PDE9A: variants seen among roughly 807,000 people sequenced by gnomAD.
The protein encoded by PDE9A is high affinity cGMP-specific 3',5'-cyclic phosphodiesterase 9A.
A neutral mutation model predicts 87.4 loss-of-function variants in PDE9A; 60 were observed. That is an observed-to-expected ratio of 0.69 (90% CI 0.56 to 0.85). PDE9A has a LOEUF of 0.85. Ranked by LOEUF, PDE9A falls within the 40% of genes least tolerant of loss-of-function variation. PDE9A has a pLI of 0.00. For missense variants in PDE9A, 665 were observed against 779.0 expected, an observed-to-expected ratio of 0.85 and a Z score of 1.74; for synonymous variants, 272 against 279.4, an observed-to-expected ratio of 0.97 and a Z score of 0.27.
At chr21:42,725,170 C>T (rs2050906985) in intron 4 of PDE9A, among the ~76,000 whole-genome samples, 1 of 152,204 alleles carries the variant, frequency 6.6e-6, no homozygotes, top group South Asian at 2.1e-4. Context: ...AGCCACGCTG[C>T]TTCCCTTCCA....
At chr21:42,686,847 T>G (rs192084943) in intron 2 of PDE9A, among the ~76,000 whole-genome samples, 1 of 151,862 alleles carries the variant, frequency 6.6e-6, no homozygotes, top group African/African-American at 2.4e-5. Context: ...AGAGTGTGGG[T>G]TTTTTCCTCT....
At chr21:42,736,847 C>A (rs368434362) in intron 7 of PDE9A, among the ~76,000 whole-genome samples, 8 of 152,340 alleles carry the variant, frequency 5.3e-5, no homozygotes, top group African/African-American at 1.9e-4. Flanking sequence ...TGGGCTCATC[C>A]TCCCCGGGCA....
Position 42,722,282 on chromosome 21 carries a change from G to T in PDE9A, c.263-9488G>T, listed in dbSNP as rs1211862264. 1.3e-5 allele frequency among the ~76,000 whole-genome samples: 2 copies of T among 152,142 alleles called. No homozygotes were observed. The highest frequency in any genetic ancestry group is 2.9e-5 in the Non-Finnish European group (2 of 68,022). ...TGAGCCACCATGCCCGTCCAGCAGA[G>T]GTATTTTTTCTAATACTTGAGAAGT... is the stretch of plus-strand genomic sequence containing the variant. On this transcript the variant is annotated intron_variant, in intron 4 of 19. Coordinates refer to ENST00000291539, the MANE Select transcript of PDE9A (RefSeq NM_002606.3). This position sits in a 1 kb window ranked among gnomAD's most constrained non-coding sequence, Gnocchi z 4.1.
chr21:42,733,993 T>C (rs138514158), intron 7 of PDE9A: 1 of 152,614 alleles, frequency 6.6e-6, no homozygotes, highest in Non-Finnish European at 1.5e-5. Flanking sequence ...CAAGATCTGG[T>C]TGTTTAAAAG....
intron 4 of PDE9A, chr21:42,701,199 AT>A (rs2048352608): frequency 6.6e-6 from 1 of 151,996 alleles, no homozygotes; most frequent in Non-Finnish European, 1.5e-5. Flanking sequence ...ATACATCACT[AT>A]TTCATGTATT....
At chr21:42,679,671 G>C (rs1168203404) in intron 1 of PDE9A, among the ~76,000 whole-genome samples, 1 of 152,094 alleles carries the variant, frequency 6.6e-6, no homozygotes. Flanking sequence ...GCCTTTCCAC[G>C]GAGGGCCCAA....
Position 42,760,345 on chromosome 21 carries a change from C to G in PDE9A, c.915C>G (p.Asn305Lys). 6.2e-7 allele frequency: 1 copy of G among 1,607,854 alleles called. No homozygotes were observed. Among genetic ancestry groups the G allele is most frequent in the Non-Finnish European group, 8.5e-7 (1 of 1,177,412 alleles). ...LRRWLFCVHD[N>K]YRNNPFHNFR... Reference sequence around the variant, plus strand: ...TCCCGCAGTTCTGCGTCCACGACAACTACAGAAACAACCCCTTCCACAACT... The same window carrying G: ...TCCCGCAGTTCTGCGTCCACGACAAGTACAGAAACAACCCCTTCCACAACT... The change falls in exon 12 of 20, where the codon AAC becomes AAG. Residue 305 changes from asparagine (N) to lysine (K), a missense_variant. Transcript: ENST00000291539. The surrounding 1 kb of genome is among the most constrained non-coding windows in gnomAD (Gnocchi z 5.2).
rs528569428 is a variant in PDE9A at position 42,657,995 on chromosome 21, G to A, written c.69+4112G>A. On this transcript the variant is annotated intron_variant, in intron 1 of 19. Coordinates refer to ENST00000291539, the MANE Select transcript of PDE9A (RefSeq NM_002606.3). ...AAAGGGAGGAGCCGCGCTAGAAAGT[G>A]TTCAAGCGTCCGCAGAAGTCGGCTC... 1.9e-4 allele frequency among the ~76,000 whole-genome samples: 29 copies of A among 152,376 alleles called. No individual in the cohort carries two copies. In the South Asian group the frequency reaches 5.6e-3, roughly 29 times the overall value.
Position 42,731,792 on chromosome 21 carries a change from C to T in PDE9A, c.285C>T (p.Thr95=), listed in dbSNP as rs1180653691. ...TAGCTGGTGTCGAGGACAAGAGAACCACAAGCCGTGGCCAGTCTGCTGAGA... is the reference window on the plus strand; with the variant it reads ...TAGCTGGTGTCGAGGACAAGAGAACTACAAGCCGTGGCCAGTCTGCTGAGA... ...QLSAGVEDKR[T]TSRGQSAERP... Residue 95 remains threonine, a synonymous_variant, in exon 5 of 20, where the codon ACC becomes ACT. Transcript: ENST00000291539. 14 of 1,613,756 alleles carry T rather than the reference C, an allele frequency of 8.7e-6. No individual in the cohort carries two copies. The highest frequency in any genetic ancestry group is 1.1e-5 in the Non-Finnish European group (13 of 1,179,862).
chr21:42,673,373 C>G (rs1254326699), intron 1 of PDE9A, among the ~76,000 whole-genome samples: 1 of 152,178 alleles, frequency 6.6e-6, no homozygotes, highest in Non-Finnish European at 1.5e-5. Context: ...CCAGGTGGAA[C>G]AGAGCCAGCT....
chr21:42,713,085 A>G (rs1465063277), intron 4 of PDE9A, among the ~76,000 whole-genome samples: 1 of 152,152 alleles, frequency 6.6e-6, no homozygotes, highest in Non-Finnish European at 1.5e-5. Flanking sequence ...GTAACAAAGT[A>G]TATGTAGGCC....
Position 42,754,033 on chromosome 21 carries a change from C to T in PDE9A, c.779C>T (p.Thr260Ile), listed in dbSNP as rs778541188. Residue 260 changes from threonine to isoleucine, a missense_variant, in exon 10 of 20, where the codon ACC becomes ATC. Coordinates refer to ENST00000291539, the MANE Select transcript of PDE9A (RefSeq NM_002606.3). ...ACCATCGAGGCCCTGCGGAAGCCGA[C>T]CTTTGACGTCTGGCTTTGGGAGCCC... ...PETIEALRKP[T>I]FDVWLWEPNE... 6 of 1,613,286 alleles carry T rather than the reference C, an allele frequency of 3.7e-6. No homozygotes were observed. The highest frequency in any genetic ancestry group is 5.1e-6 in the Non-Finnish European group (6 of 1,179,528).
chr21:42,758,958 C>T (rs1602509052), intron 10 of PDE9A, 41 bp from the exon 11 acceptor site: 2 of 1,493,666 alleles, frequency 1.3e-6, no homozygotes. Flanking sequence ...GGGAGCCGGC[C>T]ACACAACTGC....
At chr21:42,737,136 G>A (rs2269157) in intron 7 of PDE9A, among the ~76,000 whole-genome samples, 8,354 of 152,302 alleles carry the variant, frequency 0.055, 552 homozygotes, top group East Asian at 0.37. Context: ...AACCCTGCAC[G>A]GCTGCCAGAA....
chr21:42,699,177 G>A, intron 4 of PDE9A, 166 bp downstream of exon 4: 3 of 581,066 alleles, frequency 5.2e-6, no homozygotes, highest in Non-Finnish European at 9.2e-6. Context: ...ATTTGAATCT[G>A]CATTTGAAGC....
At chr21:42,724,271 C>T (rs1203232727) in intron 4 of PDE9A, among the ~76,000 whole-genome samples, 1 of 152,180 alleles carries the variant, frequency 6.6e-6, no homozygotes, top group East Asian at 1.9e-4. Flanking sequence ...CCTCAGTGGG[C>T]ATCCGTGATG....
In PDE9A at chr21:42,659,280, G is replaced by A. The variant is rs2057312781; in HGVS notation, c.69+5397G>A. On this transcript the variant is annotated intron_variant, in intron 1 of 19. Transcript: ENST00000291539. The surrounding 1 kb of genome is among the most constrained non-coding windows in gnomAD (Gnocchi z 4.1). ...GCTGGAAGCCAGAAGCCCACCTGAC[G>A]CCATCAGGAATTTCCATGAATGACC... Among the ~76,000 whole-genome samples, 1 of 152,162 alleles carries A rather than the reference G, an allele frequency of 6.6e-6. No individual in the cohort carries two copies. The highest frequency in any genetic ancestry group is 1.5e-5 in the Non-Finnish European group (1 of 68,018).
chr21:42,657,620 C>T (rs955023754), intron 1 of PDE9A, among the ~76,000 whole-genome samples: 2 of 152,214 alleles, frequency 1.3e-5, no homozygotes, highest in Non-Finnish European at 2.9e-5. Flanking sequence ...CACTGGGGAG[C>T]TGGAGGGGGT....
rs954347108 is a variant in PDE9A, at chr21:42,689,847, G to A, written c.218+1853G>A. ...CCATGATATGGACATGGCAGTGGAC[G>A]TGGACAGGGGAGCAGTGGAGATGGA... On this transcript the variant is annotated intron_variant, in intron 3 of 19. Transcript: ENST00000291539. 6.1e-6 allele frequency: 6 copies of A among 985,354 alleles called. No individual in the cohort carries two copies. In the African/African-American group the frequency reaches 7.0e-5, roughly 11 times the overall value. 61.0% of individuals were successfully genotyped at this position (985,354 alleles called of 1,614,324 possible).
Sources: allele counts gnomAD v4.1 joint callset (sites outside exome capture counted in the v4.1 genomes callset), GRCh38; gene constraint gnomAD v4.1.1; non-coding constraint Gnocchi (gnomAD v3.1); transcripts MANE v1.5; gene names NCBI Gene and HGNC (gene_info 2026-07-23, HGNC 2026-07-21).